The following IRAK1BP1 variants were observed in gnomAD, a reference collection of about 807,000 sequenced individuals.
IRAK1BP1 encodes the protein interleukin-1 receptor-associated kinase 1-binding protein 1.
IRAK1BP1 carries 24 observed loss-of-function variants against 28.0 expected under a neutral mutation model. The observed-to-expected ratio is 0.86, with a 90% CI of 0.62 to 1.20. IRAK1BP1 has a LOEUF of 1.20. Ranked by LOEUF, IRAK1BP1 falls within the 50% of genes most tolerant of loss-of-function variation. The pLI is 0.00. For synonymous variants in IRAK1BP1, 131 were observed against 116.3 expected, an observed-to-expected ratio of 1.13 and a Z score of -0.81; for missense variants, 336 against 316.7, an observed-to-expected ratio of 1.06 and a Z score of -0.46.
chr6:78,973,758 A>G, the IRAK1BP1 span, among the ~76,000 whole-genome samples: 3 of 151,996 alleles, frequency 2.0e-5, no homozygotes, highest in Non-Finnish European at 2.9e-5. Context: ...TTAAACCAAC[A>G]AAGATCAAAA....
the IRAK1BP1 span, chr6:78,961,583 T>A: frequency 1.6e-4 from 157 of 1,010,790 alleles, 3 homozygotes; most frequent in South Asian, 2.2e-3. Context: ...CATAATCTTA[T>A]GTGCATTCCT....
At chr6:78,975,480 C>T in the IRAK1BP1 span, among the ~76,000 whole-genome samples, 2 of 152,190 alleles carry the variant, frequency 1.3e-5, no homozygotes, top group East Asian at 3.8e-4. Context: ...GGGATGCTCT[C>T]TCTCACCACT....
chr6:78,874,426 T>A (rs1212540338), intron 1 of IRAK1BP1, among the ~76,000 whole-genome samples: 1 of 152,224 alleles, frequency 6.6e-6, no homozygotes, highest in African/African-American at 2.4e-5. Context: ...TGTTACTGTT[T>A]ATTGCTATTT....
In IRAK1BP1 at chr6:78,941,310, G is replaced by A. The variant is rs557254495; in HGVS notation, c.*68-4098G>A. ...TTTACTTGAATGGTTCCTGGTACAAGAGCGTTGTTCTTACAATCTCCTAAA... is the reference window on the plus strand; with the variant it reads ...TTTACTTGAATGGTTCCTGGTACAAAAGCGTTGTTCTTACAATCTCCTAAA... On this transcript the variant is annotated intron_variant and NMD_transcript_variant, in intron 4 of 4. Coordinates refer to the IRAK1BP1 transcript ENST00000606868. The A allele has an allele frequency of 1.7e-5, 27 of 1,613,246 alleles. No homozygotes were observed. In the Admixed American group the frequency reaches 3.3e-4, roughly 20 times the overall value.
downstream of IRAK1BP1, among the ~76,000 whole-genome samples, chr6:78,906,227 C>CT (rs143597980): frequency 4.9e-4 from 73 of 149,550 alleles, 1 homozygote; most frequent in Middle Eastern, 6.9e-3. Context: ...ATTGAATACT[C>CT]TTTTTTTTTT....
chr6:78,978,548 A>G, the IRAK1BP1 span: 1 of 1,515,650 alleles, frequency 6.6e-7, no homozygotes, highest in Non-Finnish European at 9.0e-7. Flanking sequence ...AAAATGTTTA[A>G]AACTATGTGA....
the IRAK1BP1 span, chr6:78,963,238 C>T: frequency 6.2e-7 from 1 of 1,602,178 alleles, no homozygotes. Flanking sequence ...GTACCTAGTT[C>T]TTCAGGAAAT....
At chr6:78,885,300 TGTA>T in intron 1 of IRAK1BP1, 75 bp from the exon 2 acceptor site, 1 of 767,018 alleles carries the variant, frequency 1.3e-6, no homozygotes, top group South Asian at 1.7e-5. Flanking sequence ...TTTTAATTAG[TGTA>T]GGTTTCTAAT....
At chr6:78,891,833 TAA>T (rs1222849284) in intron 2 of IRAK1BP1, among the ~76,000 whole-genome samples, 1 of 152,220 alleles carries the variant, frequency 6.6e-6, no homozygotes, top group Admixed American at 6.5e-5. Flanking sequence ...AGTAGTAGTA[TAA>T]CTACTCATAT....
At chr6:78,953,410 A>G in the IRAK1BP1 span, among the ~76,000 whole-genome samples, 2 of 152,198 alleles carry the variant, frequency 1.3e-5, no homozygotes, top group Non-Finnish European at 2.9e-5. Flanking sequence ...AAAGCCCAGA[A>G]TACAAACGCT....
At chr6:78,908,056 T>TTATC (rs1554190316), downstream of IRAK1BP1, among the ~76,000 whole-genome samples, 2 of 141,560 alleles carry the variant, frequency 1.4e-5, no homozygotes, top group Non-Finnish European at 3.0e-5. Flanking sequence ...ATTTATTTAT[T>TTATC]TATCTATTTT....
chr6:78,935,798 G>A, intron 4 of IRAK1BP1: 2 of 960,260 alleles, frequency 2.1e-6, no homozygotes, highest in Non-Finnish European at 2.5e-6. Context: ...TTGAGATTAT[G>A]TACTAAGTGC....
intron 1 of IRAK1BP1, among the ~76,000 whole-genome samples, chr6:78,881,593 A>C (rs751715781): frequency 4.6e-5 from 7 of 152,118 alleles, no homozygotes; most frequent in Non-Finnish European, 1.0e-4. Flanking sequence ...TGACAAATGA[A>C]CCCAGTTCTT....
intron 1 of IRAK1BP1, among the ~76,000 whole-genome samples, chr6:78,875,425 T>A (rs1356582457): frequency 6.6e-6 from 1 of 152,078 alleles, no homozygotes; most frequent in Non-Finnish European, 1.5e-5. Context: ...AAAGACACAT[T>A]CACTTGTATG....
Position 78,879,376 on chromosome 6 carries a change from A to T in IRAK1BP1, c.316-6002A>T, listed in dbSNP as rs149939376. On this transcript the variant is annotated intron_variant, in intron 1 of 3. Coordinates refer to ENST00000369940, the MANE Select transcript of IRAK1BP1 (RefSeq NM_001010844.4). ...ATAAAAATTTTAAAAAAATAAAAAA[A>T]TCACTGGGCTAAAGTAAATAAGTAT... 4.3e-3 allele frequency among the ~76,000 whole-genome samples: 659 copies of T among 152,344 alleles called. 2 individuals carry two copies. Among genetic ancestry groups the T allele is most frequent in the African/African-American group, 0.014 (598 of 41,578 alleles).
intron 4 of IRAK1BP1, among the ~76,000 whole-genome samples, chr6:78,912,603 G>A (rs1772456525): frequency 6.6e-6 from 1 of 152,128 alleles, no homozygotes; most frequent in Non-Finnish European, 1.5e-5. Context: ...GGAACTACAG[G>A]AAATGTTGTC....
the IRAK1BP1 span, chr6:78,957,947 C>CTTGTTAATAT: frequency 6.6e-6 from 1 of 152,016 alleles, no homozygotes; most frequent in Admixed American, 6.6e-5. Flanking sequence ...TATTTAAATA[C>CTTGTTAATAT]TTGTTAATAT....
At chr6:78,956,761 C>A in the IRAK1BP1 span, 2 of 152,132 alleles carry the variant, frequency 1.3e-5, no homozygotes, top group African/African-American at 4.8e-5. Context: ...TCTTAACAGA[C>A]TTCTCCTCCC....
chr6:78,946,797 A>G, downstream of IRAK1BP1: 2 of 1,595,072 alleles, frequency 1.3e-6, no homozygotes, highest in Non-Finnish European at 1.7e-6. Flanking sequence ...GAAAACGAAG[A>G]GCAGATTTAT....
Sources: allele counts gnomAD v4.1 joint callset (sites outside exome capture counted in the v4.1 genomes callset), GRCh38; gene constraint gnomAD v4.1.1; transcripts MANE v1.5; gene names NCBI Gene and HGNC (gene_info 2026-07-23, HGNC 2026-07-21).